ZMAT3: variants seen among roughly 807,000 people sequenced by gnomAD.
The protein encoded by ZMAT3 is zinc finger matrin-type 3.
Under a neutral mutation model 32.3 loss-of-function variants are expected in ZMAT3, and 17 were observed. That is an observed-to-expected ratio of 0.53 (90% CI 0.36 to 0.79). ZMAT3 has a LOEUF of 0.79. Among genes scored for constraint, ZMAT3 ranks in the 30% least tolerant of loss-of-function variants. ZMAT3 has a pLI of 0.00. For synonymous variants in ZMAT3, 120 were observed against 133.1 expected, an observed-to-expected ratio of 0.90 and a Z score of 0.68; for missense variants, 329 against 359.7, an observed-to-expected ratio of 0.91 and a Z score of 0.69.
chr3:179,020,727 C>T lies in ZMAT3; in HGVS notation c.*4290G>A, dbSNP rs1219988261. 1 of 152,202 alleles carries T rather than the reference C, an allele frequency of 6.6e-6. No homozygotes were observed. Among genetic ancestry groups the T allele is most frequent in the Non-Finnish European group, 1.5e-5 (1 of 68,044 alleles). The allele number at this position is 152,202 out of a possible 1,614,324, so 9.4% of individuals were successfully genotyped here. ...TCCAAAACCACCCTTCCTAGCCCTC[C>T]CTGTAGAAAATACCATGTTGCACAG... is the stretch of plus-strand genomic sequence containing the variant. On this transcript the variant is annotated 3_prime_UTR_variant, in exon 6 of 6. Coordinates refer to ENST00000311417, the MANE Select transcript of ZMAT3 (RefSeq NM_022470.4).
intron 2 of ZMAT3, among the ~76,000 whole-genome samples, chr3:179,057,645 C>T (rs1040258359): frequency 6.6e-6 from 1 of 152,234 alleles, no homozygotes; most frequent in Admixed American, 6.5e-5. Context: ...GGTTTCCAAA[C>T]CAAAGGCTCA....
intron 3 of ZMAT3, among the ~76,000 whole-genome samples, chr3:179,028,055 G>A (rs1263949599): frequency 6.6e-6 from 1 of 152,200 alleles, no homozygotes; most frequent in African/African-American, 2.4e-5. Flanking sequence ...TGTCGCCACT[G>A]AAGACATTTT....
intron 2 of ZMAT3, among the ~76,000 whole-genome samples, chr3:179,032,581 C>T (rs1719320951): frequency 2.0e-5 from 3 of 151,512 alleles, no homozygotes; most frequent in Admixed American, 6.6e-5. Flanking sequence ...GGCCACCCAT[C>T]GTCTGGGATG....
chr3:179,023,560 C>G lies in ZMAT3; in HGVS notation c.*1457G>C, dbSNP rs1196372066. On this transcript the variant is annotated 3_prime_UTR_variant, in exon 6 of 6. Coordinates refer to ENST00000311417, the MANE Select transcript of ZMAT3 (RefSeq NM_022470.4). ...GTAAGAATCAGATTATCAAAAAAGT[C>G]TGGCAAAACAAAATATCAAGCAATC... The G allele has an allele frequency of 2.0e-5, 3 of 149,500 alleles. No homozygotes were observed. In the South Asian group the frequency reaches 6.3e-4, roughly 32 times the overall value. 9.3% of individuals were successfully genotyped at this position (149,500 alleles called of 1,614,324 possible).
At chr3:179,040,799 A>C (rs1203653135) in intron 2 of ZMAT3, among the ~76,000 whole-genome samples, 1 of 152,066 alleles carries the variant, frequency 6.6e-6, no homozygotes, top group African/African-American at 2.4e-5. Context: ...AAAGAGTCAC[A>C]ACCCATCAGT....
intron 3 of ZMAT3, 151 bp from the exon 4 acceptor site, chr3:179,027,963 G>A: frequency 1.2e-6 from 1 of 813,372 alleles, no homozygotes; most frequent in Non-Finnish European, 1.8e-6. Flanking sequence ...TTCAATCCAG[G>A]AAAACAAAAA....
chr3:179,059,167 G>C (rs889462807), intron 2 of ZMAT3, among the ~76,000 whole-genome samples: 3 of 152,080 alleles, frequency 2.0e-5, no homozygotes, highest in Non-Finnish European at 4.4e-5. Flanking sequence ...GAAGCCAAAA[G>C]AGCTTCAATG....
chr3:179,029,940 C>T (rs754830630), intron 3 of ZMAT3, among the ~76,000 whole-genome samples: 3 of 152,182 alleles, frequency 2.0e-5, no homozygotes, highest in Non-Finnish European at 4.4e-5. Context: ...ACGTATGAAA[C>T]ATGCTCAGCA....
At position 179,046,483 on chromosome 3, in the gene ZMAT3, C is replaced by T. The variant is rs577431080; in HGVS notation, c.271-15484G>A. Among the ~76,000 whole-genome samples the T allele has an allele frequency of 1.3e-5, 2 of 152,282 alleles. No individual in the cohort carries two copies. Among genetic ancestry groups the T allele is most frequent in the Non-Finnish European group, 2.9e-5 (2 of 68,024 alleles). ...CTCCAAGAACTACAGCAGGAACATA[C>T]CAGGAAAGCGGAGGGTATTCACAGG... On this transcript the variant is annotated intron_variant, in intron 2 of 5. Coordinates refer to ENST00000311417, the MANE Select transcript of ZMAT3 (RefSeq NM_022470.4). The surrounding 1 kb of genome is among the most constrained non-coding windows in gnomAD (Gnocchi z 4.3).
In ZMAT3 at chr3:179,067,673, G is replaced by T. The variant is rs376703257; in HGVS notation, c.80C>A (p.Ser27Tyr). Reference sequence around the variant, plus strand: ...TGGTGGAAGCTGCAAGGTTCCTGTAGACCTGGTGGCCACTGACATAGGAGG... The same window carrying T: ...TGGTGGAAGCTGCAAGGTTCCTGTATACCTGGTGGCCACTGACATAGGAGG... ...PSPPMSVATR[S>Y]TGTLQLPPQK... Residue 27 changes from serine to tyrosine, a missense_variant, in exon 2 of 6, where the codon TCT becomes TAT. Ser to Tyr is a moderately radical substitution (Grantham distance 144). Coordinates refer to ENST00000311417, the MANE Select transcript of ZMAT3 (RefSeq NM_022470.4). 7.4e-6 allele frequency: 12 copies of T among 1,614,030 alleles called. No homozygotes were observed. The highest frequency in any genetic ancestry group is 1.6e-4 in the Middle Eastern group (1 of 6,084).
intron 2 of ZMAT3, among the ~76,000 whole-genome samples, chr3:179,040,163 A>C (rs1014359733): frequency 6.6e-6 from 1 of 152,222 alleles, no homozygotes; most frequent in Non-Finnish European, 1.5e-5. Flanking sequence ...ACTCTTCAGG[A>C]TATTATCCAG....
At chr3:179,045,915 A>G (rs1720210683) in intron 2 of ZMAT3, among the ~76,000 whole-genome samples, 1 of 152,240 alleles carries the variant, frequency 6.6e-6, no homozygotes, top group Non-Finnish European at 1.5e-5. Context: ...TTGGATTTGC[A>G]AAGACAGAGG....
At chr3:179,037,249 G>A (rs768633986) in intron 2 of ZMAT3, among the ~76,000 whole-genome samples, 49 of 152,208 alleles carry the variant, frequency 3.2e-4, no homozygotes, top group East Asian at 1.2e-3. Context: ...GCCCCTGTTC[G>A]CCAAGCTGCA....
chr3:179,031,995 T>A lies in ZMAT3; in HGVS notation c.271-996A>T, dbSNP rs1414499503. On this transcript the variant is annotated intron_variant, in intron 2 of 5. Coordinates refer to ENST00000311417, the MANE Select transcript of ZMAT3 (RefSeq NM_022470.4). Reference sequence around the variant, plus strand: ...CCCCTCCCCCTCCTCCTCCCCCTCCTCCTCCCCCTCCCCCTCCTCCTCCCC... The same window carrying A: ...CCCCTCCCCCTCCTCCTCCCCCTCCACCTCCCCCTCCCCCTCCTCCTCCCC... 6.6e-3 allele frequency among the ~76,000 whole-genome samples: 20 copies of A among 3,020 alleles called. 2 individuals carry two copies. Among genetic ancestry groups the A allele is most frequent in the East Asian group, 0.017 (1 of 58 alleles). The allele number at this position is 3,020 out of a possible 152,430, so 2.0% of individuals were successfully genotyped here. A position where few individuals can be genotyped will look rare whatever the true frequency, so the allele number is the denominator to read the frequency against.
chr3:179,061,155 T>C (rs914147143), intron 2 of ZMAT3, among the ~76,000 whole-genome samples: 5 of 152,080 alleles, frequency 3.3e-5, no homozygotes, highest in Non-Finnish European at 5.9e-5. Context: ...AGAAAACATA[T>C]ATTTAGAAAA....
intron 3 of ZMAT3, among the ~76,000 whole-genome samples, chr3:179,028,167 C>T (rs1031038761): frequency 6.6e-6 from 1 of 152,148 alleles, no homozygotes; most frequent in African/African-American, 2.4e-5. Context: ...CAGAATCCAT[C>T]GATAAGCATT....
intron 2 of ZMAT3, among the ~76,000 whole-genome samples, chr3:179,033,846 A>G (rs889252431): frequency 2.6e-5 from 4 of 152,224 alleles, no homozygotes; most frequent in African/African-American, 9.6e-5. Context: ...TGCAATCCAG[A>G]GACTGTAAGG....
intron 3 of ZMAT3, among the ~76,000 whole-genome samples, chr3:179,028,259 T>C (rs112151224): frequency 6.6e-6 from 1 of 152,158 alleles, no homozygotes; most frequent in African/African-American, 2.4e-5. Flanking sequence ...AAAGAGCCCC[T>C]GTCCACAAAG....
intron 3 of ZMAT3, among the ~76,000 whole-genome samples, chr3:179,028,985 C>A (rs1719034291): frequency 6.6e-6 from 1 of 151,976 alleles, no homozygotes; most frequent in African/African-American, 2.4e-5. Flanking sequence ...CATGACAAAA[C>A]CCTGTCTCTA....
Sources: allele counts gnomAD v4.1 joint callset (sites outside exome capture counted in the v4.1 genomes callset), GRCh38; gene constraint gnomAD v4.1.1; non-coding constraint Gnocchi (gnomAD v3.1); transcripts MANE v1.5; gene names NCBI Gene and HGNC (gene_info 2026-07-23, HGNC 2026-07-21).